The following PCDHGA9 variants were observed in gnomAD, a reference collection of about 807,000 sequenced individuals.
PCDHGA9 encodes the protein protocadherin gamma-A9.
PCDHGA9 carries 37 observed loss-of-function variants against 62.5 expected under a neutral mutation model. The ratio of observed to expected loss-of-function variants is 0.59; its 90% confidence interval spans 0.46 to 0.78. The LOEUF (loss-of-function observed/expected upper bound fraction) is 0.78. PCDHGA9 is among the 30% of genes least tolerant of loss of function. PCDHGA9 has a pLI of 0.00. For synonymous variants in PCDHGA9, 459 were observed against 484.6 expected, an observed-to-expected ratio of 0.95 and a Z score of 0.69; for missense variants, 1,138 against 1,166.2, an observed-to-expected ratio of 0.98 and a Z score of 0.35.
intron 1 of PCDHGA9, chr5:141,478,541 G>T (rs905837179): frequency 1.2e-6 from 2 of 1,605,590 alleles, no homozygotes; most frequent in Non-Finnish European, 1.7e-6. Flanking sequence ...CGCCCCTCCC[G>T]GACAGGTAAG....
intron 2 of PCDHGA9, among the ~76,000 whole-genome samples, chr5:141,504,870 AG>A (rs1453764331): frequency 6.6e-6 from 1 of 151,996 alleles, no homozygotes; most frequent in Non-Finnish European, 1.5e-5. Context: ...CCACCTTCAC[AG>A]TCCTCTGGAG....
intron 1 of PCDHGA9, chr5:141,421,239 G>A (rs773410079): frequency 6.3e-7 from 1 of 1,599,000 alleles, no homozygotes; most frequent in South Asian, 1.1e-5. Context: ...TGGCGAATCG[G>A]CTACAGCGCG....
chr5:141,423,996 A>G (rs1164307988), intron 1 of PCDHGA9: 1 of 1,079,028 alleles, frequency 9.3e-7, no homozygotes, highest in African/African-American at 1.7e-5. Context: ...AATTTATTAT[A>G]TATAGATACA....
At chr5:141,473,750 G>C (rs777343462) in intron 1 of PCDHGA9, among the ~76,000 whole-genome samples, 1 of 152,192 alleles carries the variant, frequency 6.6e-6, no homozygotes, top group Non-Finnish European at 1.5e-5. Context: ...TGAGAACTTG[G>C]ATACTATGCA....
Position 141,476,702 on chromosome 5 carries a change from C to CTGG in PCDHGA9, c.2425-18102_2425-18100dup, listed in dbSNP as rs1562056101. On this transcript the variant is annotated intron_variant, in intron 1 of 3. Coordinates refer to ENST00000573521, the MANE Select transcript of PCDHGA9 (RefSeq NM_018921.3). This position sits in a 1 kb window ranked among gnomAD's most constrained non-coding sequence, Gnocchi z 7.6. ...GGAGGACAGCACCAAGTACGCGGAG[C>CTGG]TGGTGTTGGAGCGCGCCCTGGACCG... 5 of 1,614,222 alleles carry CTGG rather than the reference C, an allele frequency of 3.1e-6. No homozygotes were observed. The highest frequency in any genetic ancestry group is 4.2e-6 in the Non-Finnish European group (5 of 1,180,042).
intron 1 of PCDHGA9, among the ~76,000 whole-genome samples, chr5:141,484,321 G>A (rs2099594762): frequency 6.6e-6 from 1 of 152,124 alleles, no homozygotes; most frequent in Non-Finnish European, 1.5e-5. Flanking sequence ...CTTCCATACT[G>A]TCCTTGAAAT....
intron 1 of PCDHGA9, chr5:141,428,153 CT>C (rs2097116745): frequency 6.3e-7 from 1 of 1,581,370 alleles, no homozygotes; most frequent in Admixed American, 1.7e-5. Flanking sequence ...ACACGGGAAC[CT>C]GCTGGTTGCT....
rs547854431 is a variant in PCDHGA9, at chr5:141,476,383, C to A, written c.2425-18424C>A. 1.2e-6 allele frequency: 2 copies of A among 1,614,102 alleles called. No homozygotes were observed. Among genetic ancestry groups the A allele is most frequent in the African/African-American group, 1.3e-5 (1 of 75,014 alleles). On this transcript the variant is annotated intron_variant, in intron 1 of 3. Transcript: ENST00000573521. The surrounding 1 kb of genome is among the most constrained non-coding windows in gnomAD (Gnocchi z 7.6). ...GGGAGACCGGAGAGATGTTTGTGAA[C>A]GACCGTCTGGATCGAGAGGAGCTGT...
chr5:141,421,312 GC>G, intron 1 of PCDHGA9: 1 of 1,613,748 alleles, frequency 6.2e-7, no homozygotes, highest in Non-Finnish European at 8.5e-7. Flanking sequence ...GGGGTTCCGG[GC>G]CAGGCAGATC....
intron 1 of PCDHGA9, among the ~76,000 whole-genome samples, chr5:141,461,165 TG>T (rs2099010296): frequency 6.6e-6 from 1 of 152,146 alleles, no homozygotes; most frequent in South Asian, 2.1e-4. Flanking sequence ...ATAGTGGGAT[TG>T]CTGGATTGAA....
chr5:141,438,806 C>T (rs866521707), intron 1 of PCDHGA9, among the ~76,000 whole-genome samples: 20 of 149,390 alleles, frequency 1.3e-4, no homozygotes, highest in Admixed American at 6.7e-4. Flanking sequence ...GGATTACAGG[C>T]GCCTGTCACC....
In PCDHGA9 at chr5:141,450,032, G is replaced by A. The variant is rs146567243; in HGVS notation, c.2424+44656G>A. Among the ~76,000 whole-genome samples the A allele has an allele frequency of 4.6e-3, 607 of 131,666 alleles. 4 individuals are homozygous for A. The highest frequency in any genetic ancestry group is 0.017 in the African/African-American group (550 of 33,158). The allele number at this position is 131,666 out of a possible 152,430, so 86.4% of individuals were successfully genotyped here. A position where few individuals can be genotyped will look rare whatever the true frequency, so the allele number is the denominator to read the frequency against. On this transcript the variant is annotated intron_variant, in intron 1 of 3. Transcript: ENST00000573521. ...TTTTTTTTTTTTTTTTTTGAGACAG[G>A]GTCTCACTCTTTCGCCCAGGCTGGA... is the stretch of plus-strand genomic sequence containing the variant.
At chr5:141,456,700 C>T (rs1420857227) in intron 1 of PCDHGA9, among the ~76,000 whole-genome samples, 1 of 152,060 alleles carries the variant, frequency 6.6e-6, no homozygotes, top group Admixed American at 6.6e-5. Flanking sequence ...CGTGGTGGCT[C>T]GCGCCTGTAA....
intron 1 of PCDHGA9, among the ~76,000 whole-genome samples, chr5:141,459,968 C>T (rs1260233942): frequency 1.3e-5 from 2 of 152,190 alleles, no homozygotes; most frequent in East Asian, 3.8e-4. Context: ...ATCCCAGCTA[C>T]TCAGGAGGCT....
At chr5:141,413,058 C>G (rs2095601249) in intron 1 of PCDHGA9, 1 of 1,073,304 alleles carries the variant, frequency 9.3e-7, no homozygotes, top group Non-Finnish European at 1.3e-6. Context: ...AAGCTCACTC[C>G]AGAATTTAAA....
intron 2 of PCDHGA9, among the ~76,000 whole-genome samples, chr5:141,499,885 G>A (rs945162089): frequency 2.6e-5 from 4 of 151,850 alleles, no homozygotes; most frequent in Non-Finnish European, 4.4e-5. Flanking sequence ...ACAGGGTTTC[G>A]CCATGTTGGC....
At chr5:141,502,951 C>G (rs1444086718) in intron 2 of PCDHGA9, among the ~76,000 whole-genome samples, 1 of 147,768 alleles carries the variant, frequency 6.8e-6, no homozygotes, top group African/African-American at 2.6e-5. Context: ...TCAAGCGATT[C>G]TCCTGCCTCA....
At chr5:141,438,649 CACAT>C (rs2098044358) in intron 1 of PCDHGA9, among the ~76,000 whole-genome samples, 1 of 100,976 alleles carries the variant, frequency 9.9e-6, no homozygotes, top group Non-Finnish European at 2.0e-5. Context: ...CACACACACA[CACAT>C]ATATGTATAT....
chr5:141,494,185 GAC>G (rs2099752607), intron 1 of PCDHGA9, among the ~76,000 whole-genome samples: 1 of 152,154 alleles, frequency 6.6e-6, no homozygotes, highest in Non-Finnish European at 1.5e-5. Context: ...AGTGTCCCGG[GAC>G]TTGGATGCCC....
Sources: allele counts gnomAD v4.1 joint callset (sites outside exome capture counted in the v4.1 genomes callset), GRCh38; gene constraint gnomAD v4.1.1; non-coding constraint Gnocchi (gnomAD v3.1); transcripts MANE v1.5; gene names NCBI Gene and HGNC (gene_info 2026-07-23, HGNC 2026-07-21).